Variants in TLN2 observed in about 807,000 individuals in gnomAD.
TLN2 encodes the protein talin 2.
In TLN2, 118 loss-of-function variants were observed where a neutral mutation model predicts 294.7. The ratio of observed to expected loss-of-function variants is 0.40; its 90% CI spans 0.34 to 0.47. The LOEUF is 0.47. Among genes scored for constraint, TLN2 ranks in the 20% least tolerant of loss-of-function variants. The probability of loss-of-function intolerance (pLI) is 0.84; values close to 1 mark genes in which losing one functional copy is unlikely to be tolerated. For synonymous variants in TLN2, 1,431 were observed against 1,304.5 expected, an observed-to-expected ratio of 1.10 and a Z score of -2.09; for missense variants, 3,083 against 3,282.2, an observed-to-expected ratio of 0.94 and a Z score of 1.48.
chr15:62,513,371 G>A (rs1391538536), intron 1 of TLN2, among the ~76,000 whole-genome samples: 1 of 152,202 alleles, frequency 6.6e-6, no homozygotes, highest in Non-Finnish European at 1.5e-5. Flanking sequence ...CTGCCAGGTG[G>A]GAAGTGATAG....
intron 17 of TLN2, among the ~76,000 whole-genome samples, chr15:62,701,422 T>A (rs1385756621): frequency 6.6e-6 from 1 of 152,214 alleles, no homozygotes; most frequent in African/African-American, 2.4e-5. Flanking sequence ...TTTGCCTGTA[T>A]CATGCATCCT....
chr15:62,422,219 C>CAAAAAAAA (rs386383227), intron 1 of TLN2, among the ~76,000 whole-genome samples: 3 of 55,350 alleles, frequency 5.4e-5, no homozygotes, highest in African/African-American at 7.8e-5. Context: ...AACTCTGTCT[C>CAAAAAAAA]AAAAAAAAAA....
At chr15:62,766,574 A>T (rs1218567839) in intron 41 of TLN2, 152 bp downstream of exon 41, 8 of 636,556 alleles carry the variant, frequency 1.3e-5, no homozygotes, top group Non-Finnish European at 2.6e-6. Flanking sequence ...ATAACACTGA[A>T]CCTCTCTCTG....
chr15:62,570,506 C>T (rs1378849304), intron 1 of TLN2, among the ~76,000 whole-genome samples: 3 of 152,142 alleles, frequency 2.0e-5, no homozygotes, highest in African/African-American at 7.2e-5. Flanking sequence ...AGTGCTCTTT[C>T]TCCTTTCTTG....
At chr15:62,664,088 A>G (rs957586068) in intron 9 of TLN2, among the ~76,000 whole-genome samples, 2 of 152,086 alleles carry the variant, frequency 1.3e-5, no homozygotes, top group African/African-American at 4.8e-5. Flanking sequence ...CAAAAGATTG[A>G]TAAATTTACC....
chr15:62,644,066 T>C (rs2051507063), intron 3 of TLN2, among the ~76,000 whole-genome samples: 2 of 152,088 alleles, frequency 1.3e-5, no homozygotes, highest in South Asian at 4.1e-4. Context: ...CCTAGCATAC[T>C]TGCTCAGGAG....
intron 1 of TLN2, among the ~76,000 whole-genome samples, chr15:62,481,231 T>TC (rs397774780): frequency 6.6e-6 from 1 of 151,334 alleles, no homozygotes; most frequent in Non-Finnish European, 1.5e-5. Flanking sequence ...CTTTTTTTTT[T>TC]CTCTTGCTGA....
intron 9 of TLN2, among the ~76,000 whole-genome samples, chr15:62,661,667 GT>G (rs1216830855): frequency 1.3e-5 from 2 of 152,164 alleles, no homozygotes; most frequent in African/African-American, 4.8e-5. Context: ...TTGAATGGAA[GT>G]TTTTTGTAAG....
intron 36 of TLN2, chr15:62,754,416 A>G (rs1018798806): frequency 6.6e-6 from 1 of 152,338 alleles, no homozygotes; most frequent in East Asian, 1.9e-4. Context: ...CGGGCCTCAA[A>G]GTTGGGTAGA....
At chr15:62,559,692 A>G (rs2042806577) in intron 1 of TLN2, among the ~76,000 whole-genome samples, 3 of 152,232 alleles carry the variant, frequency 2.0e-5, no homozygotes, top group African/African-American at 4.8e-5. Context: ...ATTCATACCA[A>G]TTTGGTAAAC....
intron 1 of TLN2, among the ~76,000 whole-genome samples, chr15:62,439,335 T>C (rs528640768): frequency 6.6e-6 from 1 of 152,080 alleles, no homozygotes; most frequent in Admixed American, 6.6e-5. Context: ...TTTTTTGAGA[T>C]GGAGTCTTGC....
intron 8 of TLN2, 61 bp downstream of exon 8, chr15:62,656,147 T>G: frequency 6.3e-7 from 1 of 1,592,224 alleles, no homozygotes; most frequent in Non-Finnish European, 8.6e-7. Flanking sequence ...CCTGGCTGTA[T>G]CTTGTGGCGA....
intron 1 of TLN2, among the ~76,000 whole-genome samples, chr15:62,581,813 G>A (rs1173998612): frequency 6.6e-6 from 1 of 152,104 alleles, no homozygotes; most frequent in Non-Finnish European, 1.5e-5. Flanking sequence ...GGAGGCCGAG[G>A]CAGGCAGATC....
Position 62,708,633 on chromosome 15 carries a change from G to A in TLN2, c.2304G>A (p.Lys768=), listed in dbSNP as rs143212710. Reference sequence around the variant, plus strand: ...CCACTACCGATAGTGAGCTCCTGAAGCAGGTCAGCGCAGCGGCCAGCGTGG... The same window carrying A: ...CCACTACCGATAGTGAGCTCCTGAAACAGGTCAGCGCAGCGGCCAGCGTGG... The part of the protein sequence containing the change: ...QAATTDSELL[K]QVSAAASVVS... Residue 768 remains lysine, a synonymous_variant, in exon 21 of 59, where the codon AAG becomes AAA. Transcript: ENST00000636159. 658 of 1,614,230 alleles carry A rather than the reference G, an allele frequency of 4.1e-4. 5 individuals are homozygous for A. The African/African-American group carries it at 7.8e-3, about 19-fold the overall frequency.
intron 1 of TLN2, among the ~76,000 whole-genome samples, chr15:62,589,347 A>G (rs992750504): frequency 3.3e-5 from 5 of 152,196 alleles, no homozygotes; most frequent in African/African-American, 9.6e-5. Flanking sequence ...GCAGAGTGCA[A>G]TGCCTGAGAT....
intron 17 of TLN2, among the ~76,000 whole-genome samples, chr15:62,701,744 C>T (rs965950679): frequency 6.6e-6 from 1 of 152,122 alleles, no homozygotes; most frequent in African/African-American, 2.4e-5. Flanking sequence ...TGTGAGATGC[C>T]GAGACATCCT....
rs184524925 is a variant in TLN2, at chr15:62,577,938, G to A, written c.-237-11749G>A. 4.3e-4 allele frequency among the ~76,000 whole-genome samples: 66 copies of A among 152,268 alleles called. No homozygotes were observed. The East Asian group carries it at 0.011, about 25-fold the overall frequency. The stretch of plus-strand genomic sequence containing the variant: ...AACTCCCACCTATGAGTGAGAACAT[G>A]CAGTGTTTGGTTTTCTGTCCTTGTG... On this transcript the variant is annotated intron_variant, in intron 1 of 58. Coordinates refer to ENST00000636159, the MANE Select transcript of TLN2 (RefSeq NM_015059.3).
intron 11 of TLN2, among the ~76,000 whole-genome samples, chr15:62,680,575 G>A (rs1057260577): frequency 3.3e-5 from 5 of 151,566 alleles, no homozygotes; most frequent in Admixed American, 2.0e-4. Flanking sequence ...GTATACCTAA[G>A]GGATACTTTT....
intron 4 of TLN2, among the ~76,000 whole-genome samples, chr15:62,648,499 T>C (rs1368958930): frequency 3.3e-5 from 5 of 150,360 alleles, no homozygotes; most frequent in African/African-American, 4.9e-5. Flanking sequence ...AAGATCTGCT[T>C]CTCATAAAAT....
Sources: allele counts gnomAD v4.1 joint callset (sites outside exome capture counted in the v4.1 genomes callset), GRCh38; gene constraint gnomAD v4.1.1; transcripts MANE v1.5; gene names NCBI Gene and HGNC (gene_info 2026-07-23, HGNC 2026-07-21).